Variants in MMD2 observed in about 807,000 individuals in gnomAD.
MMD2 encodes monocyte to macrophage differentiation associated 2, also known as monocyte to macrophage differentiation factor 2.
In MMD2, 30 loss-of-function variants were observed where a neutral mutation model predicts 33.5. The ratio of observed to expected loss-of-function variants is 0.90; its 90% CI spans 0.67 to 1.22. The LOEUF (loss-of-function observed/expected upper bound fraction) is 1.22, where lower values mean the gene tolerates loss of function less well. MMD2 is among the 50% of genes most tolerant of loss of function. MMD2 has a pLI of 0.00. For missense variants in MMD2, 364 were observed against 325.4 expected (o/e 1.12, Z -0.91); for synonymous variants, 129 against 123.0 (o/e 1.05, Z -0.32).
At chr7:4,915,365 A>G (rs1207943509) in intron 4 of MMD2, among the ~76,000 whole-genome samples, 1 of 152,056 alleles carries the variant, frequency 6.6e-6, no homozygotes, top group Non-Finnish European at 1.5e-5. Context: ...ATGCATGTGT[A>G]TGCATACGTC....
chr7:4,921,584 G>GCA lies in MMD2; in HGVS notation c.130-1255_130-1254dup, dbSNP rs1212348974. ...TGCAGTGAGCTCAGATCGCGCCACT[G>GCA]CACTCCAGCCTGGGCGACAGAGCAA... is the stretch of plus-strand genomic sequence containing the variant. On this transcript the variant is annotated intron_variant, in intron 2 of 6. Transcript: ENST00000401401. Among the ~76,000 whole-genome samples the GCA allele has an allele frequency of 3.4e-5, 5 of 146,934 alleles. No homozygotes were observed. In the East Asian group the frequency reaches 1.0e-3, roughly 30 times the overall value.
intron 3 of MMD2, among the ~76,000 whole-genome samples, chr7:4,917,471 G>A (rs1259859646): frequency 2.0e-5 from 3 of 152,182 alleles, no homozygotes; most frequent in South Asian, 2.1e-4. Flanking sequence ...AGACCAGCCT[G>A]GCTAACATGG....
intron 1 of MMD2, among the ~76,000 whole-genome samples, chr7:4,956,791 C>G (rs985464664): frequency 9.9e-5 from 15 of 152,164 alleles, no homozygotes; most frequent in African/African-American, 3.4e-4. Flanking sequence ...GCTGAGACTT[C>G]AGAGCTCCTT....
At position 4,946,681 on chromosome 7, in the gene MMD2, A is replaced by G. The variant is rs1786095945; in HGVS notation, c.47+12290T>C. 6.6e-6 allele frequency among the ~76,000 whole-genome samples: 1 copy of G among 152,068 alleles called. No individual in the cohort carries two copies. Among genetic ancestry groups the G allele is most frequent in the African/African-American group, 2.4e-5 (1 of 41,410 alleles). ...ACCACGGGTGGCAGGTCTACCAGAT[A>G]TCTCCCAGTAAGATGAAGTACACCA... On this transcript the variant is annotated intron_variant, in intron 1 of 6. Coordinates refer to ENST00000401401, the MANE Select transcript of MMD2 (RefSeq NM_198403.4). This position sits in a 1 kb window ranked among gnomAD's most constrained non-coding sequence, Gnocchi z 5.0.
intron 1 of MMD2, among the ~76,000 whole-genome samples, chr7:4,943,752 C>T (rs753758132): frequency 2.3e-4 from 35 of 152,088 alleles, no homozygotes; most frequent in Admixed American, 2.3e-3. Context: ...CCTTGAGAGC[C>T]GAAGAGGAGG....
chr7:4,952,470 A>G (rs1181344329), intron 1 of MMD2, among the ~76,000 whole-genome samples: 1 of 152,184 alleles, frequency 6.6e-6, no homozygotes, highest in African/African-American at 2.4e-5. Context: ...AGCTCCCCCC[A>G]GGCATAGGCC....
At chr7:4,894,733 C>A in the MMD2 span, among the ~76,000 whole-genome samples, 1 of 152,126 alleles carries the variant, frequency 6.6e-6, no homozygotes, top group Non-Finnish European at 1.5e-5. The surrounding 1 kb of genome is among the most constrained non-coding windows in gnomAD (Gnocchi z 4.3). Flanking sequence ...TGGAACCGGC[C>A]AGTCATTTGT....
chr7:4,918,898 G>A (rs995048682), intron 3 of MMD2, among the ~76,000 whole-genome samples: 1 of 151,960 alleles, frequency 6.6e-6, no homozygotes. Flanking sequence ...AGGAATTCAA[G>A]GCCAGCCTGG....
intron 4 of MMD2, among the ~76,000 whole-genome samples, chr7:4,915,156 A>G (rs1169765565): frequency 6.6e-6 from 1 of 151,924 alleles, no homozygotes; most frequent in African/African-American, 2.4e-5. Flanking sequence ...CTGCAGTCCC[A>G]GCTACTTGGG....
intron 1 of MMD2, among the ~76,000 whole-genome samples, chr7:4,948,467 G>A (rs1786152276): frequency 6.6e-6 from 1 of 151,886 alleles, no homozygotes; most frequent in Non-Finnish European, 1.5e-5. Context: ...AGGTTGCAGT[G>A]AGCCAAGATC....
chr7:4,952,560 C>A (rs908105813), intron 1 of MMD2, among the ~76,000 whole-genome samples: 2 of 152,314 alleles, frequency 1.3e-5, no homozygotes, highest in Middle Eastern at 6.8e-3. Flanking sequence ...GTATACCACT[C>A]TGCACGCATT....
chr7:4,942,067 C>CCT (rs1273963504), intron 1 of MMD2, among the ~76,000 whole-genome samples: 2 of 152,020 alleles, frequency 1.3e-5, no homozygotes, highest in Non-Finnish European at 2.9e-5. Context: ...GATCCTCCTG[C>CCT]CTCAGCCTCC....
intron 1 of MMD2, among the ~76,000 whole-genome samples, chr7:4,926,756 T>A (rs1373208768): frequency 1.3e-5 from 2 of 152,044 alleles, no homozygotes; most frequent in East Asian, 3.9e-4. Context: ...CTTTTTTCTT[T>A]TTTTTTGAGA....
chr7:4,914,403 T>C (rs1344177456), intron 4 of MMD2, among the ~76,000 whole-genome samples: 1 of 152,248 alleles, frequency 6.6e-6, no homozygotes, highest in Non-Finnish European at 1.5e-5. Context: ...GCAGAATTTG[T>C]CTCTTTCATT....
At chr7:4,938,002 C>T (rs369374490) in intron 1 of MMD2, among the ~76,000 whole-genome samples, 208 of 45,554 alleles carry the variant, frequency 4.6e-3, no homozygotes, top group African/African-American at 4.5e-3. Context: ...TTCTTTCTTT[C>T]TTTTTTTTTT....
chr7:4,923,329 C>T (rs1785335049), intron 2 of MMD2, among the ~76,000 whole-genome samples: 1 of 152,102 alleles, frequency 6.6e-6, no homozygotes, highest in Non-Finnish European at 1.5e-5. Context: ...GTCTCGAACT[C>T]CCAACCTCAA....
intron 3 of MMD2, among the ~76,000 whole-genome samples, chr7:4,919,715 A>G (rs13228782): frequency 0.021 from 3,138 of 152,068 alleles, 38 homozygotes; most frequent in Non-Finnish European, 0.033. Context: ...GCGAAACCCC[A>G]TCTCTACCCA....
intron 6 of MMD2, among the ~76,000 whole-genome samples, chr7:4,908,664 T>A (rs1056679875): frequency 6.6e-6 from 1 of 151,112 alleles, no homozygotes; most frequent in African/African-American, 2.4e-5. Flanking sequence ...CTTTGGAGGC[T>A]AAGGAGGGCG....
At chr7:4,897,850 G>A in the MMD2 span, among the ~76,000 whole-genome samples, 3 of 152,026 alleles carry the variant, frequency 2.0e-5, no homozygotes, top group African/African-American at 7.2e-5. Flanking sequence ...AGATTCTCCT[G>A]CCTCAGCCTC....
Sources: allele counts gnomAD v4.1 joint callset (sites outside exome capture counted in the v4.1 genomes callset), GRCh38; gene constraint gnomAD v4.1.1; non-coding constraint Gnocchi (gnomAD v3.1); transcripts MANE v1.5; gene names NCBI Gene and HGNC (gene_info 2026-07-23, HGNC 2026-07-21).